The following CLK1 variants were observed in gnomAD, a reference collection of about 807,000 sequenced individuals.
CLK1 encodes CDC like kinase 1.
Under a neutral mutation model 60.9 loss-of-function variants are expected in CLK1, and 40 were observed. That is an observed-to-expected ratio of 0.66 (90% CI 0.51 to 0.86). The LOEUF is 0.86. Among genes scored for constraint, CLK1 ranks in the 40% least tolerant of loss-of-function variants. The pLI is 0.00. For synonymous variants in CLK1, 203 were observed against 184.4 expected, an observed-to-expected ratio of 1.10 and a Z score of -0.82; for missense variants, 563 against 606.1, an observed-to-expected ratio of 0.93 and a Z score of 0.75.
In CLK1 at chr2:200,853,435, A is replaced by C. The variant is rs1222152829; in HGVS notation, c.1326T>G (p.Ser442=). The change falls in exon 13 of 13, where the codon TCT becomes TCG. Residue 442 remains serine, a synonymous_variant. Transcript: ENST00000321356. ...RCKPLKEFML[S]QDVEHERLFD... Reference sequence around the variant, plus strand: ...AGAGACGCTCATGTTCAACATCTTGAGAAAGCATAAATTCCTGGAAGAAAA... The same window carrying C: ...AGAGACGCTCATGTTCAACATCTTGCGAAAGCATAAATTCCTGGAAGAAAA... 6.2e-7 allele frequency: 1 copy of C among 1,601,332 alleles called. No homozygotes were observed.
At chr2:200,862,351 T>G (rs2039153114) in intron 1 of CLK1, among the ~76,000 whole-genome samples, 1 of 152,194 alleles carries the variant, frequency 6.6e-6, no homozygotes, top group Non-Finnish European at 1.5e-5. Context: ...CATTGTGATT[T>G]ATTTCTGCCC....
At chr2:200,853,565 G>C (rs1488805147) in intron 12 of CLK1, 116 bp from the exon 13 acceptor site, 1 of 979,222 alleles carries the variant, frequency 1.0e-6, no homozygotes, top group Admixed American at 3.0e-5. Context: ...AAGAGGCCAG[G>C]CATGGTCGCT....
At chr2:200,859,138 C>A (rs552386648) in intron 5 of CLK1, among the ~76,000 whole-genome samples, 1 of 151,912 alleles carries the variant, frequency 6.6e-6, no homozygotes, top group South Asian at 2.1e-4. Flanking sequence ...GCTGAGATTG[C>A]GCCACTGCAC....
At chr2:200,857,022 A>C in intron 7 of CLK1, 37 bp from the exon 8 acceptor site, 1 of 1,512,978 alleles carries the variant, frequency 6.6e-7, no homozygotes, top group Non-Finnish European at 9.1e-7. Flanking sequence ...ATCAGAAAAC[A>C]CCAAACCAAA....
chr2:200,855,411 AG>A (rs2039022039), intron 9 of CLK1, among the ~76,000 whole-genome samples: 1 of 152,144 alleles, frequency 6.6e-6, no homozygotes, highest in South Asian at 2.1e-4. Flanking sequence ...ACACGAGGGC[AG>A]GAGATCAAGA....
intron 5 of CLK1, among the ~76,000 whole-genome samples, chr2:200,858,549 T>C (rs372056213): frequency 2.0e-5 from 3 of 151,784 alleles, no homozygotes; most frequent in South Asian, 4.2e-4. Context: ...ATATGAAAAT[T>C]AGCCAGGCAC....
In CLK1 at chr2:200,861,807, T is replaced by C. The variant is rs2039143445; in HGVS notation, c.56A>G (p.Tyr19Cys). Residue 19 changes from tyrosine (Y) to cysteine (C), a missense_variant, in exon 2 of 13, where the codon TAT becomes TGT. Physicochemically the swap from Tyr to Cys is radical, Grantham distance 194. Around this residue, in one of 3 missense-constraint regions of CLK1, gnomAD observed 198 missense variants for 179.2 expected, o/e 1.10. Coordinates refer to ENST00000321356, the MANE Select transcript of CLK1 (RefSeq NM_004071.4). ...CPDWDDKDWD[Y>C]GKWRSSSSHK... ...ACTGCTGCTGCTCCTCCATTTTCCA[T>C]AATCCCAATCCTTGTCATCCCAATC... is the stretch of plus-strand genomic sequence containing the variant. The C allele has an allele frequency of 1.9e-6, 3 of 1,614,124 alleles. No individual in the cohort carries two copies. The highest frequency in any genetic ancestry group is 2.5e-6 in the Non-Finnish European group (3 of 1,179,996).
Position 200,856,677 on chromosome 2 carries a change from CT to C in CLK1, c.1057+4del. On this transcript the variant is annotated splice_donor_region_variant and intron_variant, in intron 9 of 12. Coordinates refer to ENST00000321356, the MANE Select transcript of CLK1 (RefSeq NM_004071.4). ...AAAGGTTCTCAAAGGACAATTAATA[CT>C]CACCTAAAATAACTTCAGGTGCTCT... 2 of 1,565,572 alleles carry C rather than the reference CT, an allele frequency of 1.3e-6. No individual in the cohort carries two copies. Among genetic ancestry groups the C allele is most frequent in the Admixed American group, 2.0e-5 (1 of 49,888 alleles).
At chr2:200,859,653 A>G (rs1166787798) in intron 5 of CLK1, 27 bp downstream of exon 5, 1 of 1,602,112 alleles carries the variant, frequency 6.2e-7, no homozygotes, top group Non-Finnish European at 8.5e-7. Context: ...AACTTCCCTA[A>G]AAGTAATCCC....
chr2:200,853,917 A>G lies in CLK1; in HGVS notation c.1297T>C (p.Cys433Arg), dbSNP rs1486027791. ...SSAGRYVSRR[C>R]KPLKEFMLSQ... ...CAAAGGCTTACCTTCAGAGGTTTACAGCGTCTTGAAACATATCTGCCGGCA... is the reference window on the plus strand; with the variant it reads ...CAAAGGCTTACCTTCAGAGGTTTACGGCGTCTTGAAACATATCTGCCGGCA... Residue 433 changes from cysteine (C) to arginine (R), a missense_variant, in exon 12 of 13, where the codon TGT becomes CGT. Coordinates refer to ENST00000321356, the MANE Select transcript of CLK1 (RefSeq NM_004071.4). The G allele has an allele frequency of 6.2e-7, 1 of 1,611,166 alleles. No individual in the cohort carries two copies. Among genetic ancestry groups the G allele is most frequent in the African/African-American group, 1.3e-5 (1 of 74,656 alleles).
At chr2:200,853,523 A>C (rs1349939703) in intron 12 of CLK1, 74 bp from the exon 13 acceptor site, 1 of 1,322,838 alleles carries the variant, frequency 7.6e-7, no homozygotes, top group Non-Finnish European at 1.0e-6. Context: ...AGTATAGTAA[A>C]CCATATATAT....
Position 200,861,244 on chromosome 2 carries a change from T to C in CLK1, c.384A>G (p.Ser128=). Residue 128 remains serine, a synonymous_variant, in exon 3 of 13, where the codon TCA becomes TCG. Transcript: ENST00000321356. ...GTTTTAAAAACGTTCATACCCCATG[T>C]GAACGACGATGTGAAGTACTGTGGT... The part of the protein sequence containing the change: ...RIHHSTSHRR[S]HGKSHRRKRT... 2 of 1,614,114 alleles carry C rather than the reference T, an allele frequency of 1.2e-6. No homozygotes were observed. Among genetic ancestry groups the C allele is most frequent in the Non-Finnish European group, 1.7e-6 (2 of 1,179,956 alleles).
intron 11 of CLK1, among the ~76,000 whole-genome samples, chr2:200,854,331 C>T (rs542904227): frequency 3.1e-4 from 47 of 152,012 alleles, no homozygotes; most frequent in Non-Finnish European, 6.0e-4. Flanking sequence ...GTCAGGAGAT[C>T]GAGACCATCC....
At chr2:200,861,143 C>T in intron 3 of CLK1, 95 bp downstream of exon 3, 2 of 1,530,750 alleles carry the variant, frequency 1.3e-6, no homozygotes, top group Non-Finnish European at 1.7e-6. Context: ...ATGATTTCAT[C>T]TTAAAACTTT....
At position 200,861,863 on chromosome 2, in the gene CLK1, C is replaced by G; in HGVS notation, c.1-1G>C. ...AGTAAGTTCTCTTTGAGTGTCTCAT[C>G]TACATAAAAGGCAAGTTTTTCCTAG... is the stretch of plus-strand genomic sequence containing the variant. On this transcript the variant is annotated splice_acceptor_variant, in intron 1 of 12. Coordinates refer to ENST00000321356, the MANE Select transcript of CLK1 (RefSeq NM_004071.4). LOFTEE classifies it low-confidence loss of function (5UTR_SPLICE). 6.2e-7 allele frequency: 1 copy of G among 1,613,696 alleles called. No homozygotes were observed. The highest frequency in any genetic ancestry group is 8.5e-7 in the Non-Finnish European group (1 of 1,179,844).
chr2:200,855,155 T>A lies in CLK1; in HGVS notation c.1058-69A>T, dbSNP rs571214023. 1.7e-4 allele frequency: 204 copies of A among 1,175,794 alleles called. No homozygotes were observed. In the Middle Eastern group the frequency reaches 5.9e-3, roughly 34 times the overall value. 72.8% of individuals were successfully genotyped at this position (1,175,794 alleles called of 1,614,324 possible). ...TTGTTAAAGAAATTAAAAAGTTAGT[T>A]AACACTAATACTTTAAAAAAAAAAA... is the stretch of plus-strand genomic sequence containing the variant. On this transcript the variant is annotated intron_variant, in intron 9 of 12. Transcript: ENST00000321356.
intron 1 of CLK1, among the ~76,000 whole-genome samples, chr2:200,862,580 T>C (rs540422447): frequency 6.6e-6 from 1 of 152,318 alleles, no homozygotes; most frequent in Admixed American, 6.5e-5. Context: ...TGCCGACTCC[T>C]TTTTCTGACT....
Position 200,859,684 on chromosome 2 carries a change from T to C in CLK1, c.544A>G (p.Lys182Glu), listed in dbSNP as rs778831904. 1 of 1,612,656 alleles carries C rather than the reference T, an allele frequency of 6.2e-7. No individual in the cohort carries two copies. Among genetic ancestry groups the C allele is most frequent in the Non-Finnish European group, 8.5e-7 (1 of 1,179,412 alleles). ...ATCCCAACATGGGAAACTTACGCTT[T>C]ATGATCGATGCACTCCACAACTTTT... ...FGKVVECIDH[K>E]AGGRHVAVKI... The change falls in exon 5 of 13, where the codon AAA (lysine) becomes GAA (glutamate). Residue 182 changes from lysine to glutamate, a missense_variant. Lys to Glu is a moderately conservative substitution (Grantham distance 56). This residue lies in a region of CLK1 where 360 missense variants were observed against 407.0 expected (regional missense o/e 0.88). Transcript: ENST00000321356.
Position 200,853,495 on chromosome 2 carries a change from T to C in CLK1, c.1312-46A>G, listed in dbSNP as rs139746835. 5.0e-5 allele frequency: 76 copies of C among 1,531,600 alleles called. No individual in the cohort carries two copies. The East Asian group carries it at 8.3e-4, about 17-fold the overall frequency. 94.9% of individuals were successfully genotyped at this position (1,531,600 alleles called of 1,614,324 possible). A position where few individuals can be genotyped will look rare whatever the true frequency, so the allele number is the denominator to read the frequency against. On this transcript the variant is annotated intron_variant, in intron 12 of 12. Coordinates refer to ENST00000321356, the MANE Select transcript of CLK1 (RefSeq NM_004071.4). ...CATTCAACAGCCTTTTCCACTACCA[T>C]TGACTACACTATGTAACAGTATAGT...
Sources: gnomAD v4.1 joint callset for allele counts (sites outside exome capture counted in the v4.1 genomes callset) on GRCh38, gnomAD v4.1.1 for gene constraint, gnomAD v4.1.1 regional missense constraint, MANE v1.5 for transcripts, NCBI Gene and HGNC (gene_info 2026-07-23, HGNC 2026-07-21) for gene names.